DLGAP2: variants seen among roughly 807,000 people sequenced by gnomAD.
DLGAP2 encodes the protein DLG associated protein 2.
Under a neutral mutation model 100.3 loss-of-function variants are expected in DLGAP2, and 26 were observed. The observed-to-expected ratio is 0.26, with a 90% CI of 0.19 to 0.36. DLGAP2 has a LOEUF of 0.36. DLGAP2 is among the 10% of genes least tolerant of loss of function. The probability of loss-of-function intolerance (pLI) is 1.00; values close to 1 mark genes in which losing one functional copy is unlikely to be tolerated. For synonymous variants in DLGAP2, 886 were observed against 630.1 expected, an observed-to-expected ratio of 1.41 and a Z score of -6.08; for missense variants, 1,858 against 1,453.2, an observed-to-expected ratio of 1.28 and a Z score of -4.53.
intron 2 of DLGAP2, among the ~76,000 whole-genome samples, chr8:965,159 G>A (rs547077999): frequency 1.4e-5 from 2 of 145,860 alleles, no homozygotes; most frequent in African/African-American, 5.1e-5. Context: ...CAGGGCTCCT[G>A]AGTCTGACCC....
At chr8:1,195,109 G>A (rs1797723277) in intron 2 of DLGAP2, among the ~76,000 whole-genome samples, 1 of 152,264 alleles carries the variant, frequency 6.6e-6, no homozygotes, top group African/African-American at 2.4e-5. Context: ...CCTCATGGCT[G>A]CAGCAGGTGG....
chr8:1,298,809 C>T (rs927937373), intron 3 of DLGAP2, among the ~76,000 whole-genome samples: 41 of 152,314 alleles, frequency 2.7e-4, no homozygotes, highest in African/African-American at 8.9e-4. Flanking sequence ...GGCAATATAA[C>T]GCTGGCCGTG....
chr8:1,348,035 G>A (rs1158125753), intron 3 of DLGAP2, among the ~76,000 whole-genome samples: 1 of 151,684 alleles, frequency 6.6e-6, no homozygotes, highest in African/African-American at 2.4e-5. Flanking sequence ...GCTGTGTGGA[G>A]GTTGAGTTCC....
chr8:1,364,891 A>G (rs897310862), intron 3 of DLGAP2, among the ~76,000 whole-genome samples: 3 of 152,108 alleles, frequency 2.0e-5, no homozygotes, highest in Admixed American at 1.3e-4. Context: ...TCTTATCTTC[A>G]TGGCAGGGGG....
At chr8:1,095,187 C>A (rs1226182804) in intron 2 of DLGAP2, among the ~76,000 whole-genome samples, 2 of 152,176 alleles carry the variant, frequency 1.3e-5, no homozygotes, top group Non-Finnish European at 2.9e-5. Context: ...GCCGTGGTCA[C>A]CCTTTACTTG....
intron 2 of DLGAP2, among the ~76,000 whole-genome samples, chr8:941,558 C>G (rs959053334): frequency 1.6e-4 from 25 of 152,164 alleles, no homozygotes; most frequent in African/African-American, 6.0e-4. Context: ...TCCCTGCTCC[C>G]CTTTCTCCAC....
chr8:860,218 T>G (rs1472881818), intron 1 of DLGAP2, among the ~76,000 whole-genome samples: 1 of 152,182 alleles, frequency 6.6e-6, no homozygotes, highest in Non-Finnish European at 1.5e-5. Context: ...GCCTTCGTTA[T>G]GTAAATTTTC....
At chr8:753,802 C>A (rs963016972) in intron 1 of DLGAP2, 2 of 152,222 alleles carry the variant, frequency 1.3e-5, no homozygotes, top group Non-Finnish European at 2.9e-5. Context: ...TTGTTATTTT[C>A]CTTGAGGTCT....
chr8:1,698,172 G>T (rs1241428170), intron 14 of DLGAP2, among the ~76,000 whole-genome samples: 1 of 152,208 alleles, frequency 6.6e-6, no homozygotes, highest in East Asian at 1.9e-4. Flanking sequence ...TTCCAGGCCA[G>T]ATGCAATGGA....
intron 1 of DLGAP2, among the ~76,000 whole-genome samples, chr8:807,744 T>C: frequency 6.6e-6 from 1 of 152,266 alleles, no homozygotes; most frequent in East Asian, 1.9e-4. Context: ...TTTCCATAAC[T>C]AAAAGGCAAT....
At chr8:1,523,380 G>A (rs1243068760) in intron 4 of DLGAP2, among the ~76,000 whole-genome samples, 1 of 152,210 alleles carries the variant, frequency 6.6e-6, no homozygotes, top group Non-Finnish European at 1.5e-5. Context: ...ACAGACGGGG[G>A]ATTTGCCGGC....
rs1267721178 is a variant in DLGAP2, at chr8:1,668,563, C to T, written c.2045C>T (p.Ala682Val). ...AACCTCGCGCTGGAAACGGCCGCTG[C>T]CCAGCGCCACCTGCCAGAGAGCCAG... ...AMNLALETAA[A>V]QRHLPESQSS... The change falls in exon 9 of 15, where the codon GCC (alanine) becomes GTC (valine). Residue 682 changes from alanine to valine, a missense_variant. Transcript: ENST00000637795. 1 of 1,591,012 alleles carries T rather than the reference C, an allele frequency of 6.3e-7. No individual in the cohort carries two copies. Among genetic ancestry groups the T allele is most frequent in the Admixed American group, 1.8e-5 (1 of 56,880 alleles).
At chr8:1,417,159 A>AGGGGG (rs1563133699) in intron 3 of DLGAP2, among the ~76,000 whole-genome samples, 2 of 77,228 alleles carry the variant, frequency 2.6e-5, no homozygotes, top group Non-Finnish European at 5.4e-5. Context: ...ACTCTGAGTG[A>AGGGGG]AGGGGAAGCC....
At chr8:789,937 T>G (rs1821983190) in intron 1 of DLGAP2, among the ~76,000 whole-genome samples, 1 of 152,146 alleles carries the variant, frequency 6.6e-6, no homozygotes, top group Non-Finnish European at 1.5e-5. Context: ...CCACTGTGCT[T>G]AAGGTTTCTG....
intron 6 of DLGAP2, among the ~76,000 whole-genome samples, chr8:1,575,128 G>T (rs1013105406): frequency 2.0e-5 from 3 of 152,094 alleles, no homozygotes; most frequent in African/African-American, 4.8e-5. Flanking sequence ...TCCTCTTTAG[G>T]AGTGACTAGT....
At chr8:1,630,366 C>T (rs367699072) in intron 7 of DLGAP2, among the ~76,000 whole-genome samples, 8 of 152,214 alleles carry the variant, frequency 5.3e-5, no homozygotes, top group African/African-American at 1.7e-4. Flanking sequence ...CACTTAGGGG[C>T]TCTGGAGAGA....
chr8:787,378 C>G (rs1298047425), intron 1 of DLGAP2, among the ~76,000 whole-genome samples: 3 of 152,236 alleles, frequency 2.0e-5, no homozygotes, highest in African/African-American at 7.2e-5. Flanking sequence ...GTTAGCCATG[C>G]TCGTTGCAAG....
intron 2 of DLGAP2, among the ~76,000 whole-genome samples, chr8:1,229,537 T>G (rs1211444532): frequency 7.0e-6 from 1 of 142,450 alleles, no homozygotes; most frequent in African/African-American, 2.5e-5. Context: ...TCTCTGAGGA[T>G]CTTTTGTTTT....
chr8:944,724 G>A (rs1459746649), intron 2 of DLGAP2, among the ~76,000 whole-genome samples: 1 of 151,902 alleles, frequency 6.6e-6, no homozygotes, highest in African/African-American at 2.4e-5. Flanking sequence ...GATCCAGTCA[G>A]TGGCAGCCAA....
Sources: gnomAD v4.1 joint callset for allele counts (sites outside exome capture counted in the v4.1 genomes callset) on GRCh38, gnomAD v4.1.1 for gene constraint, MANE v1.5 for transcripts, NCBI Gene and HGNC (gene_info 2026-07-23, HGNC 2026-07-21) for gene names.